The following CCDC25 variants were observed in gnomAD, a reference collection of about 807,000 sequenced individuals.
CCDC25 encodes coiled-coil domain containing 25.
A neutral mutation model predicts 35.3 loss-of-function variants in CCDC25; 16 were observed. The ratio of observed to expected loss-of-function variants is 0.45; its 90% CI spans 0.31 to 0.69. CCDC25 has a LOEUF of 0.69. CCDC25 is among the 30% of genes least tolerant of loss of function. CCDC25 has a pLI of 0.06. For synonymous variants in CCDC25, 79 were observed against 80.3 expected, an observed-to-expected ratio of 0.98 and a Z score of 0.09; for missense variants, 179 against 250.7, an observed-to-expected ratio of 0.71 and a Z score of 1.93.
Position 27,748,286 on chromosome 8 carries a change from G to A in CCDC25, c.349-7C>T. Reference sequence around the variant, plus strand: ...CCACTGTCACAATTTTTACCTTTAAGGGAGATAGGAGAAAAGATATTGCAT... The same window carrying A: ...CCACTGTCACAATTTTTACCTTTAAAGGAGATAGGAGAAAAGATATTGCAT... On this transcript the variant is annotated splice_region_variant and splice_polypyrimidine_tract_variant and intron_variant, in intron 6 of 8. Transcript: ENST00000356537. 1.9e-6 allele frequency: 3 copies of A among 1,608,854 alleles called. No homozygotes were observed. Among genetic ancestry groups the A allele is most frequent in the Non-Finnish European group, 2.5e-6 (3 of 1,177,722 alleles).
chr8:27,753,667 C>G (rs552617397), intron 4 of CCDC25, among the ~76,000 whole-genome samples: 3 of 152,236 alleles, frequency 2.0e-5, no homozygotes, highest in Non-Finnish European at 4.4e-5. Context: ...TTTCCATCTT[C>G]TGACACAGCA....
rs1382215258 is a variant in CCDC25 at position 27,737,050 on chromosome 8, A to T, written c.598-805T>A. 6.6e-6 allele frequency among the ~76,000 whole-genome samples: 1 copy of T among 152,184 alleles called. No homozygotes were observed. ...AAGGGATCAGACTAAGGCTTATCTAAATGGCCCTTATTAAAGATGGTAGAG... is the reference window on the plus strand; with the variant it reads ...AAGGGATCAGACTAAGGCTTATCTATATGGCCCTTATTAAAGATGGTAGAG... On this transcript the variant is annotated intron_variant, in intron 8 of 8. Coordinates refer to ENST00000356537, the MANE Select transcript of CCDC25 (RefSeq NM_018246.3). This position sits in a 1 kb window ranked among gnomAD's most constrained non-coding sequence, Gnocchi z 4.6.
intron 3 of CCDC25, among the ~76,000 whole-genome samples, chr8:27,761,242 G>C (rs1408428566): frequency 6.6e-6 from 1 of 152,210 alleles, no homozygotes; most frequent in Non-Finnish European, 1.5e-5. Flanking sequence ...GAGGTCCAGA[G>C]AGAGCTGCAG....
In CCDC25 at chr8:27,737,865, GGTGT is replaced by G. The variant is rs1483647742; in HGVS notation, c.598-1624_598-1621del. Among the ~76,000 whole-genome samples, 1 of 134,246 alleles carries G rather than the reference GGTGT, an allele frequency of 7.4e-6. No individual in the cohort carries two copies. Among genetic ancestry groups the G allele is most frequent in the East Asian group, 2.2e-4 (1 of 4,576 alleles). The allele number at this position is 134,246 out of a possible 152,430, so 88.1% of individuals were successfully genotyped here. On this transcript the variant is annotated intron_variant, in intron 8 of 8. Coordinates refer to ENST00000356537, the MANE Select transcript of CCDC25 (RefSeq NM_018246.3). The surrounding 1 kb of genome is among the most constrained non-coding windows in gnomAD (Gnocchi z 4.6). Reference sequence around the variant, plus strand: ...ATCAACGAGTGGATAAAGAAACTGTGGTGTGTGTATACACACACTCACACACACA... The same window carrying G: ...ATCAACGAGTGGATAAAGAAACTGTGGTGTATACACACACTCACACACACA...
chr8:27,739,558 C>G (rs1451051347), intron 8 of CCDC25, among the ~76,000 whole-genome samples: 1 of 151,758 alleles, frequency 6.6e-6, no homozygotes, highest in Non-Finnish European at 1.5e-5. Context: ...TACAGTATAA[C>G]AACTATTTAC....
At chr8:27,764,536 G>C (rs1374537289) in intron 2 of CCDC25, 17 of 334,602 alleles carry the variant, frequency 5.1e-5, no homozygotes, top group Non-Finnish European at 9.1e-5. Context: ...GCCTCAGCCT[G>C]TCAAAGTGTT....
chr8:27,762,581 G>A, intron 2 of CCDC25, 123 bp from the exon 3 acceptor site: 2 of 714,336 alleles, frequency 2.8e-6, no homozygotes, highest in Non-Finnish European at 4.8e-6. Flanking sequence ...ATGAAGAAGA[G>A]TAATTCGGAG....
At chr8:27,762,578 A>C in intron 2 of CCDC25, 120 bp from the exon 3 acceptor site, 1 of 788,220 alleles carries the variant, frequency 1.3e-6, no homozygotes, top group South Asian at 1.7e-5. Flanking sequence ...TCAATGAAGA[A>C]GAGTAATTCG....
chr8:27,750,972 C>T (rs1056003751), intron 5 of CCDC25, among the ~76,000 whole-genome samples: 2 of 152,200 alleles, frequency 1.3e-5, no homozygotes, highest in Admixed American at 1.3e-4. Flanking sequence ...CTCCACTCCT[C>T]GGCACATAAT....
At chr8:27,741,171 C>T (rs946817867) in intron 7 of CCDC25, among the ~76,000 whole-genome samples, 58 of 152,198 alleles carry the variant, frequency 3.8e-4, no homozygotes, top group African/African-American at 1.3e-3. Flanking sequence ...CAATGTGTTC[C>T]GCAAGAAGCC....
At chr8:27,762,005 A>G (rs1804245038) in intron 3 of CCDC25, among the ~76,000 whole-genome samples, 1 of 152,208 alleles carries the variant, frequency 6.6e-6, no homozygotes, top group Admixed American at 6.5e-5. Context: ...AAAGGGGAAC[A>G]AGTGTGCTTC....
intron 7 of CCDC25, among the ~76,000 whole-genome samples, chr8:27,743,922 T>G (rs538300155): frequency 6.6e-6 from 1 of 152,288 alleles, no homozygotes; most frequent in African/African-American, 2.4e-5. Context: ...TGTTTTTAGT[T>G]TTCTGAATCC....
chr8:27,750,065 C>G (rs1803741752), intron 5 of CCDC25, among the ~76,000 whole-genome samples: 1 of 152,156 alleles, frequency 6.6e-6, no homozygotes, highest in African/African-American at 2.4e-5. Context: ...ACAAACATGA[C>G]CAGACAATGA....
At chr8:27,742,703 G>A (rs10866860) in intron 7 of CCDC25, among the ~76,000 whole-genome samples, 65,997 of 151,916 alleles carry the variant, frequency 0.43, 14,591 homozygotes, top group East Asian at 0.63. Context: ...TGTCTTTACT[G>A]AAAATATACA....
intron 4 of CCDC25, chr8:27,756,393 T>C (rs1804004325): frequency 9.3e-6 from 2 of 214,642 alleles, no homozygotes; most frequent in East Asian, 2.4e-4. Context: ...CCACACATGA[T>C]ATCCACTGGA....
At chr8:27,752,854 C>G (rs1234461396) in intron 4 of CCDC25, 1 of 248,948 alleles carries the variant, frequency 4.0e-6, no homozygotes, top group African/African-American at 2.3e-5. Context: ...GAAAAAAACT[C>G]CCAGAATATT....
chr8:27,759,759 G>A (rs1804155259), intron 3 of CCDC25, among the ~76,000 whole-genome samples: 1 of 110,904 alleles, frequency 9.0e-6, no homozygotes, highest in Non-Finnish European at 1.7e-5. Context: ...CAGCCTGGGT[G>A]ACAGAGCAAG....
intron 6 of CCDC25, 44 bp from the exon 7 acceptor site, chr8:27,748,323 T>G: frequency 6.4e-7 from 1 of 1,571,664 alleles, no homozygotes; most frequent in Non-Finnish European, 8.7e-7. Context: ...TTTTTGTTTT[T>G]TTTCTCCCAG....
chr8:27,751,277 G>T (rs1312250981), intron 5 of CCDC25, among the ~76,000 whole-genome samples: 1 of 152,192 alleles, frequency 6.6e-6, no homozygotes, highest in Admixed American at 6.5e-5. Flanking sequence ...TATAATGATT[G>T]TTTCAATTCT....
Sources: allele counts gnomAD v4.1 joint callset (sites outside exome capture counted in the v4.1 genomes callset), GRCh38; gene constraint gnomAD v4.1.1; non-coding constraint Gnocchi (gnomAD v3.1); transcripts MANE v1.5; gene names NCBI Gene and HGNC (gene_info 2026-07-23, HGNC 2026-07-21).